PTPN4: variants seen among roughly 807,000 people sequenced by gnomAD.
PTPN4 encodes the protein tyrosine-protein phosphatase non-receptor type 4.
A neutral mutation model predicts 135.5 loss-of-function variants in PTPN4; 49 were observed. That is an observed-to-expected ratio of 0.36 (90% CI 0.29 to 0.46). The LOEUF (loss-of-function observed/expected upper bound fraction) is 0.46, where lower values mean the gene tolerates loss of function less well. Among genes scored for constraint, PTPN4 ranks in the 20% least tolerant of loss-of-function variants. The pLI is 1.00. For missense variants in PTPN4, 860 were observed against 1,101.0 expected, an observed-to-expected ratio of 0.78 and a Z score of 3.10; for synonymous variants, 333 against 369.9, an observed-to-expected ratio of 0.90 and a Z score of 1.14.
intron 3 of PTPN4, among the ~76,000 whole-genome samples, chr2:119,862,981 T>C (rs1171957455): frequency 6.6e-6 from 1 of 152,116 alleles, no homozygotes; most frequent in African/African-American, 2.4e-5. Context: ...TAAATTAGTC[T>C]GCACTAAAGT....
chr2:119,886,372 G>A (rs1269287974), intron 9 of PTPN4, among the ~76,000 whole-genome samples: 1 of 152,136 alleles, frequency 6.6e-6, no homozygotes, highest in Non-Finnish European at 1.5e-5. Context: ...GGAATTTATA[G>A]TCACTGACTT....
At chr2:119,838,097 A>G (rs568167610) in intron 2 of PTPN4, among the ~76,000 whole-genome samples, 2 of 152,376 alleles carry the variant, frequency 1.3e-5, no homozygotes, top group Non-Finnish European at 2.9e-5. Flanking sequence ...GTAGGTTTCA[A>G]TGGAGACTTC....
chr2:119,860,530 G>A (rs1016818407), intron 2 of PTPN4, among the ~76,000 whole-genome samples: 5 of 152,042 alleles, frequency 3.3e-5, no homozygotes, highest in African/African-American at 9.7e-5. Context: ...ATTAGCTTGC[G>A]CTGGAGTCTT....
At chr2:119,849,664 AG>A (rs1194212641) in intron 2 of PTPN4, among the ~76,000 whole-genome samples, 3 of 152,048 alleles carry the variant, frequency 2.0e-5, no homozygotes, top group Non-Finnish European at 4.4e-5. Flanking sequence ...CTCCCTTCCA[AG>A]GCTTGTCGTT....
In PTPN4 at chr2:119,984,294, A is replaced by AT. The variant is rs914460858; in HGVS notation, c.*7234dup. Among the ~76,000 whole-genome samples the AT allele has an allele frequency of 7.5e-4, 112 of 150,204 alleles. 1 individual carries two copies. Among genetic ancestry groups the AT allele is most frequent in the Admixed American group, 4.1e-3 (62 of 15,046 alleles). ...TATGTGGAGGGTGTTTTAATTTGGG[A>AT]TTTTTTTTTTCTTGTAACAGGTGCT... On this transcript the variant is annotated 3_prime_UTR_variant, in exon 27 of 27. Coordinates refer to ENST00000263708, the MANE Select transcript of PTPN4 (RefSeq NM_002830.4).
chr2:119,816,260 T>C (rs188390714), intron 2 of PTPN4, among the ~76,000 whole-genome samples: 12 of 152,284 alleles, frequency 7.9e-5, no homozygotes, highest in Non-Finnish European at 1.5e-4. Context: ...AGATACAGTA[T>C]TAAAATCTTA....
chr2:119,910,914 T>G (rs918891799), intron 10 of PTPN4, among the ~76,000 whole-genome samples: 8 of 152,086 alleles, frequency 5.3e-5, no homozygotes, highest in African/African-American at 1.7e-4. Flanking sequence ...ACAAGTACCA[T>G]TAATAAATTT....
intron 1 of PTPN4, among the ~76,000 whole-genome samples, chr2:119,806,194 C>A (rs570788066): frequency 6.6e-6 from 1 of 152,294 alleles, no homozygotes; most frequent in African/African-American, 2.4e-5. Flanking sequence ...AACCAGCTAA[C>A]ATCATAACGA....
At chr2:119,772,965 A>G (rs542704591) in intron 1 of PTPN4, among the ~76,000 whole-genome samples, 81 of 152,268 alleles carry the variant, frequency 5.3e-4, no homozygotes, top group African/African-American at 1.9e-3. Context: ...GAAATTCAAA[A>G]CACTTCTGAA....
intron 2 of PTPN4, among the ~76,000 whole-genome samples, chr2:119,840,503 G>A (rs555821049): frequency 2.6e-5 from 4 of 152,306 alleles, no homozygotes; most frequent in African/African-American, 9.6e-5. Context: ...GGGCATTTAG[G>A]TTGATTCCAT....
At chr2:119,767,120 A>G (rs1200622881) in intron 1 of PTPN4, among the ~76,000 whole-genome samples, 1 of 152,240 alleles carries the variant, frequency 6.6e-6, no homozygotes, top group Admixed American at 6.5e-5. Flanking sequence ...ACACAGCTCA[A>G]GATGAGCCTG....
rs1221239089 is a variant in PTPN4, at chr2:119,963,353, C to T, written c.2409+609C>T. 2.0e-5 allele frequency among the ~76,000 whole-genome samples: 3 copies of T among 152,298 alleles called. No homozygotes were observed. The East Asian group carries it at 5.8e-4, about 29-fold the overall frequency. Reference sequence around the variant, plus strand: ...ATTGGAAGATGTATGTAGAGAGCGTCATGCTGCCAGTTCTGTCAGGCTGCT... The same window carrying T: ...ATTGGAAGATGTATGTAGAGAGCGTTATGCTGCCAGTTCTGTCAGGCTGCT... On this transcript the variant is annotated intron_variant, in intron 24 of 26. Transcript: ENST00000263708.
chr2:119,950,434 C>G (rs1679196449), intron 18 of PTPN4, among the ~76,000 whole-genome samples: 1 of 152,236 alleles, frequency 6.6e-6, no homozygotes, highest in African/African-American at 2.4e-5. Context: ...ATCTTCACAA[C>G]AACTCTAAGA....
At chr2:119,840,950 A>T (rs1451240994) in intron 2 of PTPN4, among the ~76,000 whole-genome samples, 1 of 151,900 alleles carries the variant, frequency 6.6e-6, no homozygotes, top group Admixed American at 6.6e-5. Flanking sequence ...GATTTGTTTA[A>T]GTTCTTTGTA....
chr2:119,789,919 G>A lies in PTPN4; in HGVS notation c.-17-19918G>A, dbSNP rs368431661. 1.4e-4 allele frequency among the ~76,000 whole-genome samples: 22 copies of A among 151,860 alleles called. No homozygotes were observed. In the East Asian group the frequency reaches 2.7e-3, roughly 19 times the overall value. On this transcript the variant is annotated intron_variant, in intron 1 of 26. Transcript: ENST00000263708. ...TTTTTTGTATTTTTAGTAGAGACTC[G>A]GTTTCATTATGTTGGCCAGGCTAGT...
chr2:119,924,030 G>A (rs369060429), intron 12 of PTPN4, among the ~76,000 whole-genome samples: 2 of 151,572 alleles, frequency 1.3e-5, no homozygotes, highest in East Asian at 1.9e-4. Flanking sequence ...CCAGTTACTC[G>A]GGAGGCTGAG....
At chr2:119,764,880 A>G (rs1304173902) in intron 1 of PTPN4, among the ~76,000 whole-genome samples, 3 of 152,220 alleles carry the variant, frequency 2.0e-5, no homozygotes, top group Non-Finnish European at 4.4e-5. Flanking sequence ...TCATATTTAA[A>G]AAATAAAGTT....
chr2:119,969,002 A>G (rs1679487493), intron 26 of PTPN4, among the ~76,000 whole-genome samples: 1 of 152,088 alleles, frequency 6.6e-6, no homozygotes, highest in African/African-American at 2.4e-5. Context: ...GACCTATGTG[A>G]TCCAGTAAGT....
chr2:119,890,201 A>G (rs1435047558), intron 9 of PTPN4, among the ~76,000 whole-genome samples: 1 of 151,588 alleles, frequency 6.6e-6, no homozygotes, highest in South Asian at 2.1e-4. Flanking sequence ...TGTTTGGTGC[A>G]TATATATTTA....
Sources: allele counts gnomAD v4.1 joint callset (sites outside exome capture counted in the v4.1 genomes callset), GRCh38; gene constraint gnomAD v4.1.1; transcripts MANE v1.5; gene names NCBI Gene and HGNC (gene_info 2026-07-23, HGNC 2026-07-21).